OTOG: variants seen among roughly 807,000 people sequenced by gnomAD.
OTOG encodes the protein otogelin.
OTOG carries 296 observed loss-of-function variants against 313.8 expected under a neutral mutation model. The ratio of observed to expected loss-of-function variants is 0.94; its 90% CI spans 0.86 to 1.04. The LOEUF (loss-of-function observed/expected upper bound fraction) is 1.04. Among genes scored for constraint, OTOG ranks in the 50% least tolerant of loss-of-function variants. The pLI is 0.00. For missense variants in OTOG, 3,948 were observed against 3,840.1 expected, an observed-to-expected ratio of 1.03 and a Z score of -0.74; for synonymous variants, 1,533 against 1,554.9, an observed-to-expected ratio of 0.99 and a Z score of 0.33.
rs72870383 is a variant in OTOG at position 17,577,492 on chromosome 11, A to C, written c.2605+581A>C. 6.3e-3 allele frequency among the ~76,000 whole-genome samples: 957 copies of C among 152,234 alleles called. 6 individuals carry two copies. The highest frequency in any genetic ancestry group is 0.02 in the South Asian group (95 of 4,800). ...AGGGATTGGAGAATAATCATACAGT[A>C]GGTGGTTAGGAGCAGGGCCTGCAGA... is the stretch of plus-strand genomic sequence containing the variant. On this transcript the variant is annotated intron_variant, in intron 22 of 55. Transcript: ENST00000399397.
Position 17,635,155 on chromosome 11 carries a change from T to A in OTOG, c.7661T>A (p.Leu2554Gln). ...RQDQILITGR[L>Q]GDSCCTSYFC... ...GACCAGATCCTGATCACGGGCCGCC[T>A]GGGGGACTCCTGCTGCACCTCCTAC... The change falls in exon 46 of 56, where the codon CTG (leucine) becomes CAG (glutamine). Residue 2554 changes from leucine to glutamine, a missense_variant. Physicochemically the swap from Leu to Gln is moderately radical, Grantham distance 113. Coordinates refer to ENST00000399397, the MANE Select transcript of OTOG (RefSeq NM_001292063.2). 1 of 1,546,622 alleles carries A rather than the reference T, an allele frequency of 6.5e-7. No individual in the cohort carries two copies. The highest frequency in any genetic ancestry group is 1.2e-5 in the South Asian group (1 of 83,896).
chr11:17,628,097 C>A (rs1854028521), intron 39 of OTOG, among the ~76,000 whole-genome samples: 1 of 151,914 alleles, frequency 6.6e-6, no homozygotes, highest in Admixed American at 6.6e-5. Context: ...TTTTCTTCTA[C>A]TAATTTTGGA....
chr11:17,622,556 G>A (rs2134113556), intron 39 of OTOG, among the ~76,000 whole-genome samples: 1 of 152,208 alleles, frequency 6.6e-6, no homozygotes, highest in East Asian at 1.9e-4. Context: ...GTGTCCGTGA[G>A]TTCAATTGTC....
intron 24 of OTOG, among the ~76,000 whole-genome samples, chr11:17,590,026 A>G (rs1277905313): frequency 1.3e-5 from 2 of 151,770 alleles, no homozygotes; most frequent in African/African-American, 2.4e-5. Context: ...CAACCTCTTG[A>G]TATTGGAGCA....
intron 24 of OTOG, among the ~76,000 whole-genome samples, chr11:17,590,599 C>G (rs1006037468): frequency 6.6e-6 from 1 of 152,246 alleles, no homozygotes; most frequent in African/African-American, 2.4e-5. Context: ...ACATAAATCA[C>G]ACAGTGTCAT....
chr11:17,645,580 C>A lies in OTOG; in HGVS notation c.8478C>A (p.Arg2826=). The A allele has an allele frequency of 6.4e-7, 1 of 1,550,620 alleles. No homozygotes were observed. The highest frequency in any genetic ancestry group is 1.2e-5 in the South Asian group (1 of 84,056). The change falls in exon 55 of 56, where the codon CGC becomes CGA. Residue 2826 remains arginine, a synonymous_variant. Transcript: ENST00000399397. ...GCCRTCKEDG[R]SCKKVTIRMT... is the part of the protein sequence containing the mutation. ...TCCCCCCAGGTAAGGAGGATGGGCG[C>A]TCCTGCAAGAAGGTGACCATCCGCA...
At chr11:17,642,272 C>T (rs1343778090) in intron 53 of OTOG, 26 bp downstream of exon 53, 5 of 1,538,516 alleles carry the variant, frequency 3.2e-6, no homozygotes, top group Admixed American at 2.0e-5. Context: ...TCCACTGAGG[C>T]TGTAGGCCAG....
intron 23 of OTOG, among the ~76,000 whole-genome samples, chr11:17,581,605 T>C (rs1852668736): frequency 6.6e-6 from 1 of 152,214 alleles, no homozygotes; most frequent in Non-Finnish European, 1.5e-5. Context: ...TTTTTCTTTT[T>C]TTCCTTTTAG....
chr11:17,555,903 T>G lies in OTOG; in HGVS notation c.659+6T>G, dbSNP rs747029049. On this transcript the variant is annotated splice_donor_region_variant and intron_variant, in intron 7 of 55. Coordinates refer to ENST00000399397, the MANE Select transcript of OTOG (RefSeq NM_001292063.2). ...GTCACCCATGGAGGCATGAGGTAAC[T>G]CTAACACCTTCCACATCGAGCTGTC... is the stretch of plus-strand genomic sequence containing the variant. The G allele has an allele frequency of 4.5e-5, 69 of 1,541,844 alleles. No homozygotes were observed. The highest frequency in any genetic ancestry group is 1.2e-5 in the South Asian group (1 of 83,906).
intron 47 of OTOG, among the ~76,000 whole-genome samples, chr11:17,637,182 T>A (rs1854286832): frequency 6.6e-6 from 1 of 152,242 alleles, no homozygotes; most frequent in Non-Finnish European, 1.5e-5. Flanking sequence ...TATGGCTTTA[T>A]ATAGATGTGT....
intron 40 of OTOG, among the ~76,000 whole-genome samples, chr11:17,630,790 A>G (rs1854104186): frequency 6.6e-6 from 1 of 152,200 alleles, no homozygotes; most frequent in Non-Finnish European, 1.5e-5. Flanking sequence ...CAGCTTGAGC[A>G]AAGTTGTGGG....
At chr11:17,603,206 G>C (rs907133597) in intron 32 of OTOG, among the ~76,000 whole-genome samples, 1 of 152,148 alleles carries the variant, frequency 6.6e-6, no homozygotes, top group African/African-American at 2.4e-5. Flanking sequence ...GAATCACGTA[G>C]TTGCACAAGG....
rs1033434881 is a variant in OTOG at position 17,612,747 on chromosome 11, C to G, written c.6420C>G (p.Asp2140Glu). The G allele has an allele frequency of 6.4e-7, 1 of 1,550,530 alleles. No individual in the cohort carries two copies. The highest frequency in any genetic ancestry group is 1.4e-5 in the African/African-American group (1 of 73,180). ...AAATGCTCACCGTCCATGTACTGGACTGCAAAAGTGCCAACCTGGTGCCTG... is the reference window on the plus strand; with the variant it reads ...AAATGCTCACCGTCCATGTACTGGAGTGCAAAAGTGCCAACCTGGTGCCTG... ...PDEMLTVHVL[D>E]CKSANLGHLN... Residue 2140 changes from aspartate to glutamate, a missense_variant, in exon 38 of 56, where the codon GAC (aspartate) becomes GAG (glutamate). By Grantham distance (45) the Asp-to-Glu change is conservative (BLOSUM62 2). Transcript: ENST00000399397.
Position 17,610,475 on chromosome 11 carries a change from G to C in OTOG, c.5175G>C (p.Lys1725Asn), listed in dbSNP as rs1355235835. 6.4e-7 allele frequency: 1 copy of C among 1,550,486 alleles called. No homozygotes were observed. Among genetic ancestry groups the C allele is most frequent in the Non-Finnish European group, 8.7e-7 (1 of 1,146,982 alleles). The change falls in exon 36 of 56, where the codon AAG becomes AAC. Residue 1725 changes from lysine to asparagine, a missense_variant. Lys to Asn is a moderately conservative substitution (Grantham distance 94, BLOSUM62 0). Transcript: ENST00000399397. ...TGGAGATAGTGCTATCCACAGAGAAGGGCGAAGCCGGGCACAGCCAGCCCA... is the reference window on the plus strand; with the variant it reads ...TGGAGATAGTGCTATCCACAGAGAACGGCGAAGCCGGGCACAGCCAGCCCA... ...RSLEIVLSTE[K>N]GEAGHSQPMG...
intron 39 of OTOG, among the ~76,000 whole-genome samples, chr11:17,625,452 A>G (rs1159502140): frequency 6.6e-6 from 1 of 152,198 alleles, no homozygotes; most frequent in East Asian, 1.9e-4. Context: ...GTGATGAATC[A>G]TATTTACTGA....
Position 17,594,081 on chromosome 11 carries a change from T to A in OTOG, c.3323T>A (p.Leu1108Ter). 1 of 1,550,522 alleles carries A rather than the reference T, an allele frequency of 6.4e-7. No individual in the cohort carries two copies. The highest frequency in any genetic ancestry group is 8.7e-7 in the Non-Finnish European group (1 of 1,146,978). ...GCGGGCCTCTGTGGGAACTTTGACT[T>A]AAAAACCATCAATGAGATGAGGACC... ...QLAGLCGNFD[L>*]KTINEMRTPE... Residue 1108 changes from leucine (L) to a stop codon, truncating the protein, a stop_gained, in exon 28 of 56, where the codon TTA becomes TAA. Coordinates refer to ENST00000399397, the MANE Select transcript of OTOG (RefSeq NM_001292063.2). LOFTEE classifies it high-confidence loss of function.
chr11:17,590,605 G>T (rs1253412247), intron 24 of OTOG, among the ~76,000 whole-genome samples: 1 of 152,166 alleles, frequency 6.6e-6, no homozygotes, highest in African/African-American at 2.4e-5. Context: ...ATCACACAGT[G>T]TCATTCCCAT....
chr11:17,561,382 C>T (rs1471915924), intron 14 of OTOG, among the ~76,000 whole-genome samples: 1 of 152,204 alleles, frequency 6.6e-6, no homozygotes, highest in Non-Finnish European at 1.5e-5. Context: ...AAGACCTTCC[C>T]GAGCTAGGGG....
chr11:17,612,652 G>T lies in OTOG; in HGVS notation c.6325G>T (p.Val2109Leu). The T allele has an allele frequency of 6.4e-7, 1 of 1,550,554 alleles. No individual in the cohort carries two copies. Among genetic ancestry groups the T allele is most frequent in the African/African-American group, 1.4e-5 (1 of 73,116 alleles). Residue 2109 changes from valine to leucine, a missense_variant, in exon 38 of 56, where the codon GTG (valine) becomes TTG (leucine). Coordinates refer to ENST00000399397, the MANE Select transcript of OTOG (RefSeq NM_001292063.2). ...CTCAATCTTCCCTGACCTGAGCTTC[G>T]TGACCTTCGATGGGAGCCACGTAGC... ...RCSIFPDLSF[V>L]TFDGSHVALF... is the part of the protein sequence containing the mutation.
Sources: allele counts gnomAD v4.1 joint callset (sites outside exome capture counted in the v4.1 genomes callset), GRCh38; gene constraint gnomAD v4.1.1; transcripts MANE v1.5; gene names NCBI Gene and HGNC (gene_info 2026-07-23, HGNC 2026-07-21).